NCOR2: variants seen among roughly 807,000 people sequenced by gnomAD.
The protein encoded by NCOR2 is nuclear receptor corepressor 2.
A neutral mutation model predicts 262.9 loss-of-function variants in NCOR2; 81 were observed. The ratio of observed to expected loss-of-function variants is 0.31; its 90% confidence interval spans 0.26 to 0.37. NCOR2 has a LOEUF of 0.37. Ranked by LOEUF, NCOR2 falls within the 10% of genes least tolerant of loss-of-function variation. The pLI is 1.00. For synonymous variants in NCOR2, 1,659 were observed against 1,559.3 expected, an observed-to-expected ratio of 1.06 and a Z score of -1.51; for missense variants, 3,385 against 3,621.4, an observed-to-expected ratio of 0.93 and a Z score of 1.68.
intron 13 of NCOR2, among the ~76,000 whole-genome samples, chr12:124,410,773 C>T (rs2042534896): frequency 6.6e-6 from 1 of 152,222 alleles, no homozygotes; most frequent in Non-Finnish European, 1.5e-5. Flanking sequence ...GCTGCCCCTC[C>T]CCAGGGACCA....
chr12:124,431,519 C>CA (rs1445555657), intron 8 of NCOR2, among the ~76,000 whole-genome samples: 1 of 150,226 alleles, frequency 6.7e-6, no homozygotes, highest in East Asian at 2.0e-4. Flanking sequence ...TACATACAGT[C>CA]AGACAGATAT....
Position 124,492,968 on chromosome 12 carries a change from G to A in NCOR2, c.105+2179C>T, listed in dbSNP as rs1196971965. On this transcript the variant is annotated intron_variant, in intron 1 of 46. Coordinates refer to ENST00000405201, the Ensembl canonical transcript of NCOR2. ...GCTCCCCCAGGGAGGAGCACACACAGGTGGCCCCTGCTGCCCCCACACAAG... is the reference window on the plus strand; with the variant it reads ...GCTCCCCCAGGGAGGAGCACACACAAGTGGCCCCTGCTGCCCCCACACAAG... Among the ~76,000 whole-genome samples, 4 of 152,240 alleles carry A rather than the reference G, an allele frequency of 2.6e-5. No individual in the cohort carries two copies. The East Asian group carries it at 7.8e-4, about 30-fold the overall frequency.
intron 5 of NCOR2, among the ~76,000 whole-genome samples, chr12:124,458,834 G>A (rs1478904973): frequency 6.6e-6 from 1 of 152,168 alleles, no homozygotes; most frequent in Admixed American, 6.5e-5. Context: ...ATCACCCGGA[G>A]AGTCAATGTC....
chr12:124,350,646 C>T, exon 28 of NCOR2: 1 of 1,613,964 alleles, frequency 6.2e-7, no homozygotes, highest in Non-Finnish European at 8.5e-7. Context: ...CTTGGGCAGG[C>T]TGTCCTCCCG....
At chr12:124,384,943 G>A (rs993339200) in intron 17 of NCOR2, among the ~76,000 whole-genome samples, 2 of 151,976 alleles carry the variant, frequency 1.3e-5, no homozygotes, top group African/African-American at 4.8e-5. Flanking sequence ...GGTGCATATC[G>A]CAATTCAGTC....
chr12:124,374,374 C>T, intron 19 of NCOR2, 39 bp downstream of exon 21: 1 of 1,604,990 alleles, frequency 6.2e-7, no homozygotes, highest in Non-Finnish European at 8.5e-7. Context: ...CCCGCCCCGG[C>T]CCGGCCCTAC....
chr12:124,473,263 G>C lies in NCOR2; in HGVS notation c.412-132C>G, dbSNP rs1214157530. 6.3e-6 allele frequency: 7 copies of C among 1,106,260 alleles called. No individual in the cohort carries two copies. The East Asian group carries it at 1.8e-4, about 29-fold the overall frequency. 68.5% of individuals were successfully genotyped at this position (1,106,260 alleles called of 1,614,324 possible). On this transcript the variant is annotated intron_variant, in intron 3 of 46. Coordinates refer to ENST00000405201, the Ensembl canonical transcript of NCOR2. ...AAGTATTGATCCTCGGTATGTCTGTGAGGGTGTTGCCAAAGGAGATTAACA... is the reference window on the plus strand; with the variant it reads ...AAGTATTGATCCTCGGTATGTCTGTCAGGGTGTTGCCAAAGGAGATTAACA...
At position 124,354,572 on chromosome 12, in the gene NCOR2, G is replaced by A. The variant is rs761446542; in HGVS notation, c.3495C>T (p.Ser1165=). The change falls in exon 26 of 47, where the codon AGC becomes AGT. Residue 1165 remains serine, a synonymous_variant. Coordinates refer to ENST00000405201, the Ensembl canonical transcript of NCOR2. ...GGGACAGCTGCTCCTGCTTCACTCC[G>A]CTGAAGGGTGCTGAGGACCAGTAAG... is the stretch of plus-strand genomic sequence containing the variant. 61 of 1,582,862 alleles carry A rather than the reference G, an allele frequency of 3.9e-5. 1 individual carries two copies. In the South Asian group the frequency reaches 5.9e-4, roughly 15 times the overall value.
intron 5 of NCOR2, among the ~76,000 whole-genome samples, chr12:124,463,339 C>G (rs1428467427): frequency 7.2e-5 from 11 of 152,212 alleles, no homozygotes; most frequent in Admixed American, 7.2e-4. Flanking sequence ...CCCGCTGCCT[C>G]CAAGAAGCCT....
At chr12:124,555,352 A>G (rs1019259802) in intron 1 of NCOR2, among the ~76,000 whole-genome samples, 4 of 151,944 alleles carry the variant, frequency 2.6e-5, no homozygotes, top group Admixed American at 6.5e-5. Context: ...TCTCCCTACT[A>G]TACCCTCCAG....
Position 124,491,429 on chromosome 12 carries a change from G to A in NCOR2, c.105+3718C>T, listed in dbSNP as rs556145862. Among the ~76,000 whole-genome samples, 10 of 151,798 alleles carry A rather than the reference G, an allele frequency of 6.6e-5. No homozygotes were observed. In the South Asian group the frequency reaches 2.1e-3, roughly 31 times the overall value. ...GGGACGGTAAGGCCACTTGCCCCCT[G>A]TTTCACAGCTAGGACATCACTGGGG... On this transcript the variant is annotated intron_variant, in intron 1 of 46. Coordinates refer to ENST00000405201, the Ensembl canonical transcript of NCOR2.
rs142678672 is a variant in NCOR2, at chr12:124,344,739, G to A, written c.4572C>T (p.Arg1524=). ...GCTCAGGCACAATGACCGGGGCGCC[G>A]CGCGCAATGGAGCCCCCCGAGCTGC... Residue 1524 remains arginine, a synonymous_variant, in exon 32 of 47, where the codon CGC becomes CGT. Transcript: ENST00000405201. The A allele has an allele frequency of 1.7e-4, 257 of 1,544,644 alleles. No homozygotes were observed. In the East Asian group the frequency reaches 3.4e-3, roughly 20 times the overall value.
chr12:124,326,596 A>AGG, intron 45 of NCOR2, among the ~76,000 whole-genome samples: 1 of 152,270 alleles, frequency 6.6e-6, no homozygotes, highest in African/African-American at 2.4e-5. Flanking sequence ...TCTGCTGGGC[A>AGG]GGGGGAGGTG....
rs916003120 is a variant in NCOR2, at chr12:124,566,806, C to T, written c.-165+502G>A. Among the ~76,000 whole-genome samples the T allele has an allele frequency of 6.6e-6, 1 of 152,206 alleles. No individual in the cohort carries two copies. Among genetic ancestry groups the T allele is most frequent in the African/African-American group, 2.4e-5 (1 of 41,460 alleles). On this transcript the variant is annotated intron_variant, in intron 1 of 32. Coordinates refer to the NCOR2 transcript ENST00000458234. The surrounding 1 kb of genome is among the most constrained non-coding windows in gnomAD (Gnocchi z 4.3). ...CCACGCCTAGGAGGGACAAGGCTGG[C>T]TCTCCCCCTCGGCTGGTGAGAGACC...
chr12:124,499,617 A>C (rs1049219068), upstream of NCOR2, among the ~76,000 whole-genome samples: 6 of 152,206 alleles, frequency 3.9e-5, no homozygotes, highest in Non-Finnish European at 5.9e-5. Context: ...GGCGGTGAGC[A>C]CAGGCCCAGG....
At chr12:124,527,817 C>T (rs1172303807) in intron 1 of NCOR2, among the ~76,000 whole-genome samples, 2 of 152,226 alleles carry the variant, frequency 1.3e-5, no homozygotes, top group Admixed American at 6.5e-5. Flanking sequence ...GCTCCCACTT[C>T]GAAGCTCCAG....
chr12:124,392,823 TG>T (rs1247663181), intron 16 of NCOR2, among the ~76,000 whole-genome samples: 4 of 152,194 alleles, frequency 2.6e-5, no homozygotes, highest in Non-Finnish European at 5.9e-5. Flanking sequence ...TGCACAGCAA[TG>T]GGTGGTTCCT....
intron 17 of NCOR2, among the ~76,000 whole-genome samples, chr12:124,382,009 G>C (rs142678307): frequency 1.8e-4 from 27 of 152,332 alleles, no homozygotes; most frequent in Middle Eastern, 3.4e-3. Context: ...GGCGGGAGGG[G>C]ACACCCACTG....
intron 1 of NCOR2, among the ~76,000 whole-genome samples, chr12:124,520,385 G>C (rs1484678713): frequency 2.0e-5 from 3 of 152,192 alleles, no homozygotes; most frequent in African/African-American, 4.8e-5. Flanking sequence ...CGGTGCCTGA[G>C]AGCGGCCGAG....
Sources: allele counts gnomAD v4.1 joint callset (sites outside exome capture counted in the v4.1 genomes callset), GRCh38; gene constraint gnomAD v4.1.1; non-coding constraint Gnocchi (gnomAD v3.1); transcripts MANE v1.5; gene names NCBI Gene and HGNC (gene_info 2026-07-23, HGNC 2026-07-21).